The following CCDC191 variants were observed in gnomAD, a reference collection of about 807,000 sequenced individuals.
CCDC191 encodes the protein coiled-coil domain-containing protein 191.
CCDC191 carries 99 observed loss-of-function variants against 114.0 expected under a neutral mutation model. The ratio of observed to expected loss-of-function variants is 0.87; its 90% confidence interval spans 0.74 to 1.03. The LOEUF (loss-of-function observed/expected upper bound fraction) is 1.03, where lower values mean the gene tolerates loss of function less well. CCDC191 is among the 50% of genes least tolerant of loss of function. The probability of loss-of-function intolerance (pLI) is 0.00; values close to 1 mark genes in which losing one functional copy is unlikely to be tolerated. For missense variants in CCDC191, 973 were observed against 1,087.0 expected, an observed-to-expected ratio of 0.90 and a Z score of 1.47; for synonymous variants, 351 against 376.0, an observed-to-expected ratio of 0.93 and a Z score of 0.77.
At chr3:113,968,668 C>T (rs550909016) in intron 16 of CCDC191, among the ~76,000 whole-genome samples, 3 of 151,768 alleles carry the variant, frequency 2.0e-5, no homozygotes, top group African/African-American at 7.2e-5. Flanking sequence ...CCATGTTGCC[C>T]AGGCTGGTCT....
intron 13 of CCDC191, among the ~76,000 whole-genome samples, chr3:113,982,234 A>G (rs2075180694): frequency 6.6e-6 from 1 of 152,214 alleles, no homozygotes; most frequent in Non-Finnish European, 1.5e-5. Flanking sequence ...GACTTTTTCA[A>G]AGTCTACACT....
intron 9 of CCDC191, among the ~76,000 whole-genome samples, chr3:114,010,447 G>A (rs989159264): frequency 1.3e-5 from 2 of 152,134 alleles, no homozygotes; most frequent in South Asian, 2.1e-4. Context: ...CATTTAGAAA[G>A]GAAATGTCTG....
At chr3:114,017,251 C>T (rs2076174691) in intron 8 of CCDC191, among the ~76,000 whole-genome samples, 1 of 152,156 alleles carries the variant, frequency 6.6e-6, no homozygotes, top group South Asian at 2.1e-4. Context: ...ATCCCAGTCT[C>T]CCCATCTCTA....
At chr3:114,028,500 T>C (rs1328359014) in intron 7 of CCDC191, among the ~76,000 whole-genome samples, 5 of 151,948 alleles carry the variant, frequency 3.3e-5, no homozygotes, top group Admixed American at 3.3e-4. Flanking sequence ...TTAGCCAGGA[T>C]GGTCTCGATC....
At chr3:113,995,624 C>T (rs1269231200) in intron 13 of CCDC191, among the ~76,000 whole-genome samples, 1 of 152,118 alleles carries the variant, frequency 6.6e-6, no homozygotes, top group Non-Finnish European at 1.5e-5. Context: ...TGATTTGTAT[C>T]GCTTTGGGTA....
intron 14 of CCDC191, 148 bp from the exon 15 acceptor site, chr3:113,979,158 CTT>C: frequency 2.7e-6 from 2 of 740,002 alleles, no homozygotes; most frequent in South Asian, 3.6e-5. Flanking sequence ...GTCCTAAAAG[CTT>C]TGACTGTTGA....
intron 2 of CCDC191, 24 bp downstream of exon 2, chr3:114,053,573 A>G (rs771652616): frequency 2.0e-6 from 3 of 1,470,714 alleles, no homozygotes; most frequent in South Asian, 2.4e-5. Context: ...TACTCTTTTT[A>G]TTCTAAATTT....
Position 113,982,973 on chromosome 3 carries a change from C to T in CCDC191, c.2164-2180G>A, listed in dbSNP as rs76194377. The stretch of plus-strand genomic sequence containing the variant: ...CATCTATCTCTGATCTCAGGAGATC[C>T]GCATCTGTACTCATGGTCTCTAGTT... On this transcript the variant is annotated intron_variant, in intron 13 of 16. Transcript: ENST00000295878. Among the ~76,000 whole-genome samples, 724 of 152,144 alleles carry T rather than the reference C, an allele frequency of 4.8e-3. 7 individuals are homozygous for T. Among genetic ancestry groups the T allele is most frequent in the African/African-American group, 0.017 (686 of 41,536 alleles).
At chr3:114,042,615 T>G in intron 4 of CCDC191, 88 bp downstream of exon 4, 2 of 1,084,364 alleles carry the variant, frequency 1.8e-6, no homozygotes, top group Non-Finnish European at 2.5e-6. Flanking sequence ...AACTTAAATA[T>G]GTATCATTTG....
At chr3:114,038,783 C>A (rs2076521591) in intron 4 of CCDC191, among the ~76,000 whole-genome samples, 2 of 152,108 alleles carry the variant, frequency 1.3e-5, no homozygotes, top group Non-Finnish European at 2.9e-5. Context: ...AACGCAGGAA[C>A]AGAAAACCAA....
At chr3:114,021,223 G>A (rs1159085023) in intron 7 of CCDC191, among the ~76,000 whole-genome samples, 6 of 152,092 alleles carry the variant, frequency 3.9e-5, no homozygotes, top group Non-Finnish European at 8.8e-5. Flanking sequence ...TCTGAATGTA[G>A]GAGGGGAAAT....
intron 16 of CCDC191, among the ~76,000 whole-genome samples, chr3:113,975,303 A>C (rs978930393): frequency 6.6e-6 from 1 of 152,224 alleles, no homozygotes; most frequent in Non-Finnish European, 1.5e-5. Context: ...TTGCAGCTTA[A>C]AGGTCAGGCT....
chr3:114,046,746 G>GAA lies in CCDC191; in HGVS notation c.130-16_130-15dup. 1.3e-6 allele frequency: 2 copies of GAA among 1,536,226 alleles called. No individual in the cohort carries two copies. Among genetic ancestry groups the GAA allele is most frequent in the Non-Finnish European group, 8.8e-7 (1 of 1,140,342 alleles). ...TTTCTCCACTCTCTTCAATATAACA[G>GAA]AAAAAAAAATCCATAAAGATGACAA... On this transcript the variant is annotated splice_polypyrimidine_tract_variant and intron_variant, in intron 2 of 16. Transcript: ENST00000295878.
intron 11 of CCDC191, chr3:114,003,309 G>T: frequency 1.0e-6 from 1 of 985,350 alleles, no homozygotes; most frequent in Non-Finnish European, 1.2e-6. Context: ...GTTACTTTCA[G>T]TTCCTTGTGC....
intron 2 of CCDC191, among the ~76,000 whole-genome samples, chr3:114,051,020 C>A (rs80086067): frequency 6.6e-6 from 1 of 152,154 alleles, no homozygotes; most frequent in Non-Finnish European, 1.5e-5. Context: ...AGATGAATCA[C>A]CAACATCTCA....
intron 6 of CCDC191, among the ~76,000 whole-genome samples, chr3:114,034,015 A>C (rs72956700): frequency 0.017 from 2,561 of 152,346 alleles, 56 homozygotes; most frequent in East Asian, 0.08. Flanking sequence ...TTCCTGCATC[A>C]GTGCTGTTTC....
chr3:114,002,104 G>A (rs765986604), intron 12 of CCDC191, among the ~76,000 whole-genome samples: 2 of 152,114 alleles, frequency 1.3e-5, no homozygotes, highest in Admixed American at 6.6e-5. Context: ...ATTTACTTTG[G>A]ATAGTCTAGG....
intron 9 of CCDC191, among the ~76,000 whole-genome samples, chr3:114,008,982 C>T (rs2076021149): frequency 6.6e-6 from 1 of 152,052 alleles, no homozygotes; most frequent in African/African-American, 2.4e-5. Flanking sequence ...CCTAGTCTAC[C>T]AACCAGGGCA....
At chr3:113,977,195 G>GC (rs1941429981) in intron 16 of CCDC191, among the ~76,000 whole-genome samples, 1 of 152,178 alleles carries the variant, frequency 6.6e-6, no homozygotes, top group Admixed American at 6.5e-5. Flanking sequence ...TACTTGGCGG[G>GC]CTGAGGCATG....
Sources: allele counts gnomAD v4.1 joint callset (sites outside exome capture counted in the v4.1 genomes callset), GRCh38; gene constraint gnomAD v4.1.1; transcripts MANE v1.5; gene names NCBI Gene and HGNC (gene_info 2026-07-23, HGNC 2026-07-21).